Variants in REDIC1 observed in about 807,000 individuals in gnomAD.
REDIC1 encodes HEI10 Interacting Protein 1.
At chr12:39,701,377 G>A in the REDIC1 span, among the ~76,000 whole-genome samples, 1 of 152,166 alleles carries the variant, frequency 6.6e-6, no homozygotes, top group South Asian at 2.1e-4. Flanking sequence ...AATTCAACAA[G>A]AAGAGCTAAC....
chr12:39,700,292 T>G, the REDIC1 span, among the ~76,000 whole-genome samples: 1 of 152,022 alleles, frequency 6.6e-6, no homozygotes, highest in African/African-American at 2.4e-5. Context: ...ACTTGGAGAA[T>G]GCAGAAGCCT....
At chr12:39,862,087 C>T in the REDIC1 span, among the ~76,000 whole-genome samples, 1 of 152,158 alleles carries the variant, frequency 6.6e-6, no homozygotes, top group Non-Finnish European at 1.5e-5. Flanking sequence ...CCTTGTGTCC[C>T]TATGTTCTCA....
chr12:39,776,759 T>C, the REDIC1 span, among the ~76,000 whole-genome samples: 1 of 152,124 alleles, frequency 6.6e-6, no homozygotes, highest in Non-Finnish European at 1.5e-5. Context: ...AACTTTCCTA[T>C]GCACCTATAT....
the REDIC1 span, among the ~76,000 whole-genome samples, chr12:39,629,207 C>G: frequency 1.3e-5 from 2 of 152,100 alleles, no homozygotes; most frequent in African/African-American, 2.4e-5. Context: ...TAGGTTTCAG[C>G]AAGGCTTCTT....
At chr12:39,754,965 C>G in the REDIC1 span, 1 of 152,002 alleles carries the variant, frequency 6.6e-6, no homozygotes, top group Non-Finnish European at 1.5e-5. Flanking sequence ...CTTTAACTAT[C>G]ATCTAACCTA....
chr12:39,643,822 T>G, the REDIC1 span: 1 of 1,557,270 alleles, frequency 6.4e-7, no homozygotes, highest in Non-Finnish European at 8.8e-7. Flanking sequence ...ATGAAATCAC[T>G]GGGAGTTTTA....
the REDIC1 span, among the ~76,000 whole-genome samples, chr12:39,762,427 G>T: frequency 2.5e-5 from 3 of 117,656 alleles, no homozygotes; most frequent in African/African-American, 8.5e-5. Flanking sequence ...TACCTCAAGA[G>T]AGAAGCTTTG....
At chr12:39,675,025 G>C in the REDIC1 span, among the ~76,000 whole-genome samples, 1 of 152,176 alleles carries the variant, frequency 6.6e-6, no homozygotes, top group Non-Finnish European at 1.5e-5. Context: ...GAGGCTCATA[G>C]CCTGGGGCAA....
the REDIC1 span, among the ~76,000 whole-genome samples, chr12:39,704,651 A>T: frequency 6.6e-6 from 1 of 152,214 alleles, no homozygotes; most frequent in Non-Finnish European, 1.5e-5. Context: ...TATTTACAAT[A>T]GCAAAGACTT....
chr12:39,894,898 G>A, the REDIC1 span, among the ~76,000 whole-genome samples: 4 of 152,258 alleles, frequency 2.6e-5, no homozygotes, highest in East Asian at 1.9e-4. Flanking sequence ...TGAAACCATC[G>A]GATGCTTACA....
the REDIC1 span, among the ~76,000 whole-genome samples, chr12:39,690,208 A>G: frequency 6.6e-6 from 1 of 152,180 alleles, no homozygotes; most frequent in African/African-American, 2.4e-5. Context: ...TGATGAAGAG[A>G]CATACGGGCT....
chr12:39,825,348 A>C, the REDIC1 span, among the ~76,000 whole-genome samples: 1 of 152,216 alleles, frequency 6.6e-6, no homozygotes, highest in Non-Finnish European at 1.5e-5. Context: ...TTTGTCAATA[A>C]CATACTTTCT....
At chr12:39,841,170 T>C in the REDIC1 span, among the ~76,000 whole-genome samples, 2 of 152,154 alleles carry the variant, frequency 1.3e-5, no homozygotes, top group Non-Finnish European at 2.9e-5. Flanking sequence ...TGAGGTCTAC[T>C]GTTTAAAAGC....
At chr12:39,796,339 C>A in the REDIC1 span, among the ~76,000 whole-genome samples, 1 of 151,392 alleles carries the variant, frequency 6.6e-6, no homozygotes, top group Non-Finnish European at 1.5e-5. Flanking sequence ...CCTGTAATCC[C>A]AGCTACTTGG....
At chr12:39,874,723 C>T in the REDIC1 span, among the ~76,000 whole-genome samples, 1 of 151,582 alleles carries the variant, frequency 6.6e-6, no homozygotes, top group Non-Finnish European at 1.5e-5. Flanking sequence ...TATGTTTGGA[C>T]TTTGTATTGT....
the REDIC1 span, among the ~76,000 whole-genome samples, chr12:39,897,920 A>G: frequency 6.6e-6 from 1 of 152,132 alleles, no homozygotes; most frequent in African/African-American, 2.4e-5. Context: ...TCTATGAAAT[A>G]TAAGAATTTT....
the REDIC1 span, among the ~76,000 whole-genome samples, chr12:39,812,369 TTTCTTTTC>T: frequency 8.0e-6 from 1 of 125,264 alleles, no homozygotes; most frequent in Non-Finnish European, 1.9e-5. Flanking sequence ...TTTCTTTTCT[TTTCTTTTC>T]TTTTCTTTCT....
At chr12:39,864,766 A>G in the REDIC1 span, 1 of 1,613,866 alleles carries the variant, frequency 6.2e-7, no homozygotes, top group South Asian at 1.1e-5. Context: ...TCTCACCTGT[A>G]TCTTGTGCAA....
chr12:39,804,104 G>A, the REDIC1 span, among the ~76,000 whole-genome samples: 11 of 151,932 alleles, frequency 7.2e-5, no homozygotes, highest in South Asian at 2.1e-4. Context: ...TTGATGAAAA[G>A]GCAGTTGGTT....
Sources: gnomAD v4.1 joint callset for allele counts (sites outside exome capture counted in the v4.1 genomes callset) on GRCh38, gnomAD v4.1.1 for gene constraint, MANE v1.5 for transcripts, NCBI Gene and HGNC (gene_info 2026-07-23, HGNC 2026-07-21) for gene names.